The following NAALADL2 variants were observed in gnomAD, a reference collection of about 807,000 sequenced individuals.
NAALADL2 encodes N-acetylated alpha-linked acidic dipeptidase like 2, also known as inactive N-acetylated-alpha-linked acidic dipeptidase-like protein 2.
In NAALADL2, 76 loss-of-function variants were observed where a neutral mutation model predicts 87.2. The observed-to-expected ratio is 0.87, with a 90% confidence interval of 0.72 to 1.05. The LOEUF (loss-of-function observed/expected upper bound fraction) is 1.05, where lower values mean the gene tolerates loss of function less well. NAALADL2 is among the 50% of genes least tolerant of loss of function. NAALADL2 has a pLI of 0.00. For missense variants in NAALADL2, 1,089 were observed against 945.8 expected, an observed-to-expected ratio of 1.15 and a Z score of -1.99; for synonymous variants, 354 against 331.0, an observed-to-expected ratio of 1.07 and a Z score of -0.75.
chr3:175,147,681 G>A (rs1214998728), intron 2 of NAALADL2, among the ~76,000 whole-genome samples: 1 of 152,160 alleles, frequency 6.6e-6, no homozygotes, highest in Non-Finnish European at 1.5e-5. Context: ...GCTTTCCACA[G>A]TGGCTAAACT....
chr3:174,801,109 G>A (rs1718778846), intron 3 of NAALADL2, among the ~76,000 whole-genome samples: 1 of 152,178 alleles, frequency 6.6e-6, no homozygotes, highest in African/African-American at 2.4e-5. Flanking sequence ...GAGACTTGGA[G>A]GGACTGTAGG....
chr3:175,510,032 A>G (rs1300820221), intron 9 of NAALADL2, among the ~76,000 whole-genome samples: 1 of 139,282 alleles, frequency 7.2e-6, no homozygotes. Context: ...CCCCAGTGTG[A>G]TGTTCCTCTT....
chr3:174,542,570 C>G (rs982696836), intron 1 of NAALADL2, among the ~76,000 whole-genome samples: 2 of 152,086 alleles, frequency 1.3e-5, no homozygotes, highest in Non-Finnish European at 2.9e-5. Flanking sequence ...TTAACAGTAA[C>G]AAGTTAGGTA....
At chr3:174,652,914 G>T (rs1724519228) in intron 2 of NAALADL2, among the ~76,000 whole-genome samples, 1 of 152,036 alleles carries the variant, frequency 6.6e-6, no homozygotes, top group African/African-American at 2.4e-5. Context: ...GACTTAATAG[G>T]TGGTTTATGG....
At chr3:174,976,637 T>A (rs1744397090) in intron 1 of NAALADL2, among the ~76,000 whole-genome samples, 1 of 152,206 alleles carries the variant, frequency 6.6e-6, no homozygotes, top group South Asian at 2.1e-4. Flanking sequence ...ATGCAAGTGC[T>A]TGGGTAGATA....
intron 3 of NAALADL2, among the ~76,000 whole-genome samples, chr3:174,818,149 C>A (rs544710398): frequency 1.3e-5 from 2 of 152,078 alleles, no homozygotes; most frequent in African/African-American, 2.4e-5. Context: ...TTGTGTCCTT[C>A]GAAATGCCAA....
At chr3:174,531,581 G>A (rs777226435) in intron 1 of NAALADL2, among the ~76,000 whole-genome samples, 4 of 152,086 alleles carry the variant, frequency 2.6e-5, no homozygotes, top group Non-Finnish European at 5.9e-5. Context: ...TTCATTTACA[G>A]GTAAGTGTAG....
chr3:175,432,746 C>T lies in NAALADL2; in HGVS notation c.1091-14483C>T, dbSNP rs1224788437. On this transcript the variant is annotated intron_variant, in intron 5 of 13. Coordinates refer to ENST00000454872, the MANE Select transcript of NAALADL2 (RefSeq NM_207015.3). ...GAGTTCTATTAATTGTTTTTTAGGG[C>T]TCTAGCCACTACTTTAAAAGCACTT... 4.6e-5 allele frequency among the ~76,000 whole-genome samples: 7 copies of T among 152,028 alleles called. No homozygotes were observed. In the South Asian group the frequency reaches 1.4e-3, roughly 31 times the overall value.
intron 3 of NAALADL2, among the ~76,000 whole-genome samples, chr3:174,750,948 T>A (rs1734762294): frequency 6.6e-6 from 1 of 152,172 alleles, no homozygotes; most frequent in African/African-American, 2.4e-5. Context: ...TATATGCCAA[T>A]TGTATGCATA....
intron 2 of NAALADL2, among the ~76,000 whole-genome samples, chr3:174,657,990 C>T (rs905935836): frequency 2.6e-5 from 4 of 152,004 alleles, no homozygotes; most frequent in Admixed American, 1.3e-4. Flanking sequence ...TGAATAATAC[C>T]CCACTTTCTT....
intron 2 of NAALADL2, among the ~76,000 whole-genome samples, chr3:175,100,260 A>G (rs527557766): frequency 1.3e-3 from 196 of 152,240 alleles, no homozygotes; most frequent in African/African-American, 4.5e-3. Flanking sequence ...ATGGCCCCAG[A>G]GATGATTATC....
At chr3:174,682,741 A>G (rs1727667633) in intron 2 of NAALADL2, among the ~76,000 whole-genome samples, 1 of 152,218 alleles carries the variant, frequency 6.6e-6, no homozygotes, top group South Asian at 2.1e-4. Context: ...CTTAGAGTAC[A>G]GTAGTCAAGA....
At chr3:174,487,987 G>C (rs1400068379) in intron 1 of NAALADL2, among the ~76,000 whole-genome samples, 1 of 151,964 alleles carries the variant, frequency 6.6e-6, no homozygotes, top group Non-Finnish European at 1.5e-5. Flanking sequence ...TCAAGTTTAT[G>C]AGTAATGATG....
At chr3:174,979,285 A>C (rs1744780698) in intron 1 of NAALADL2, among the ~76,000 whole-genome samples, 1 of 146,194 alleles carries the variant, frequency 6.8e-6, no homozygotes, top group Non-Finnish European at 1.5e-5. Context: ...TATCTAGTAT[A>C]ATTTTCTTTC....
intron 3 of NAALADL2, among the ~76,000 whole-genome samples, chr3:174,769,780 T>G (rs2109102763): frequency 6.6e-6 from 1 of 151,610 alleles, no homozygotes; most frequent in South Asian, 2.1e-4. Flanking sequence ...TCTTATATAT[T>G]CTTTAATTTT....
At chr3:175,534,179 T>C (rs1734484461) in intron 9 of NAALADL2, among the ~76,000 whole-genome samples, 1 of 151,480 alleles carries the variant, frequency 6.6e-6, no homozygotes, top group African/African-American at 2.4e-5. Context: ...ACAAAATAAC[T>C]CCATCCTTAA....
intron 2 of NAALADL2, among the ~76,000 whole-genome samples, chr3:174,665,253 T>C (rs572526717): frequency 6.6e-6 from 1 of 152,078 alleles, no homozygotes; most frequent in Non-Finnish European, 1.5e-5. Context: ...CTAAGAAAAA[T>C]AGGAAATAAA....
chr3:175,586,541 A>G (rs1720566198), intron 10 of NAALADL2, among the ~76,000 whole-genome samples: 1 of 152,224 alleles, frequency 6.6e-6, no homozygotes, highest in Non-Finnish European at 1.5e-5. Context: ...TAGCCTTGAA[A>G]TTATTCATGT....
At chr3:174,814,201 C>G (rs772314885) in intron 3 of NAALADL2, among the ~76,000 whole-genome samples, 1 of 152,130 alleles carries the variant, frequency 6.6e-6, no homozygotes, top group Non-Finnish European at 1.5e-5. Context: ...CTCCACCCCC[C>G]GGGTTCACAC....
Sources: allele counts gnomAD v4.1 joint callset (sites outside exome capture counted in the v4.1 genomes callset), GRCh38; gene constraint gnomAD v4.1.1; transcripts MANE v1.5; gene names NCBI Gene and HGNC (gene_info 2026-07-23, HGNC 2026-07-21).